The following RAPGEF4 variants were observed in gnomAD, a reference collection of about 807,000 sequenced individuals.
The protein encoded by RAPGEF4 is Rap guanine nucleotide exchange factor 4.
In RAPGEF4, 66 loss-of-function variants were observed where a neutral mutation model predicts 147.9. The observed-to-expected ratio is 0.45, with a 90% CI of 0.37 to 0.55. RAPGEF4 has a LOEUF of 0.55. Ranked by LOEUF, RAPGEF4 falls within the 20% of genes least tolerant of loss-of-function variation. The pLI, the probability that RAPGEF4 is intolerant of heterozygous loss-of-function variation, is 0.00. For missense variants in RAPGEF4, 1,071 were observed against 1,257.3 expected (o/e 0.85, Z 2.24); for synonymous variants, 419 against 442.7 (o/e 0.95, Z 0.67).
At chr2:172,807,259 G>A (rs1407641607) in intron 3 of RAPGEF4, among the ~76,000 whole-genome samples, 1 of 152,198 alleles carries the variant, frequency 6.6e-6, no homozygotes, top group Non-Finnish European at 1.5e-5. Context: ...CACAATGCTG[G>A]ACAGACTGGC....
rs758672370 is a variant in RAPGEF4 at position 172,838,200 on chromosome 2, G to A, written c.444+23775G>A. Among the ~76,000 whole-genome samples, 29 of 151,686 alleles carry A rather than the reference G, an allele frequency of 1.9e-4. 1 individual carries two copies. The highest frequency in any genetic ancestry group is 4.4e-5 in the Non-Finnish European group (3 of 68,012). ...TGACCTGTTGGGGGGTCTTCCCTTT[G>A]ATATCCTAAAAAATGAAACATGTTT... On this transcript the variant is annotated intron_variant, in intron 4 of 30. Transcript: ENST00000397081.
chr2:172,975,286 C>G (rs1434622942), intron 10 of RAPGEF4, among the ~76,000 whole-genome samples: 1 of 152,168 alleles, frequency 6.6e-6, no homozygotes, highest in Non-Finnish European at 1.5e-5. Flanking sequence ...AACCCTCTAG[C>G]CAGAACCACA....
intron 4 of RAPGEF4, among the ~76,000 whole-genome samples, chr2:172,871,305 C>A (rs1695214135): frequency 6.6e-6 from 1 of 152,132 alleles, no homozygotes; most frequent in Non-Finnish European, 1.5e-5. Context: ...GGTGTGGAGG[C>A]CCTTGGCAGA....
At chr2:172,800,382 C>T (rs1013011132) in intron 3 of RAPGEF4, among the ~76,000 whole-genome samples, 5 of 152,146 alleles carry the variant, frequency 3.3e-5, no homozygotes, top group African/African-American at 1.2e-4. Flanking sequence ...GGCAGAGCCC[C>T]CTTCCATGCC....
chr2:172,934,546 T>C (rs78666614), intron 6 of RAPGEF4, among the ~76,000 whole-genome samples: 3,368 of 152,200 alleles, frequency 0.022, 137 homozygotes, highest in African/African-American at 0.077. Flanking sequence ...TCCAATGCAA[T>C]GAATTATTGA....
At chr2:172,748,098 T>C (rs926996584) in intron 1 of RAPGEF4, among the ~76,000 whole-genome samples, 2 of 152,226 alleles carry the variant, frequency 1.3e-5, no homozygotes, top group African/African-American at 4.8e-5. Context: ...TAGGTTGTTT[T>C]CTTTCTTGGT....
intron 23 of RAPGEF4, among the ~76,000 whole-genome samples, chr2:173,025,437 TTTTTA>T (rs1308477434): frequency 2.0e-5 from 3 of 152,208 alleles, no homozygotes; most frequent in African/African-American, 4.8e-5. Context: ...TTGTTTTTAT[TTTTTA>T]TTTTATTTTA....
chr2:172,986,044 T>G (rs1054966633), intron 12 of RAPGEF4, among the ~76,000 whole-genome samples: 2 of 152,214 alleles, frequency 1.3e-5, no homozygotes, highest in African/African-American at 4.8e-5. Flanking sequence ...TGTGATCATA[T>G]TTGGAAGCAA....
chr2:173,005,090 G>A (rs1286164244), intron 17 of RAPGEF4, among the ~76,000 whole-genome samples: 1 of 147,532 alleles, frequency 6.8e-6, no homozygotes, highest in Non-Finnish European at 1.5e-5. Flanking sequence ...TCTACCTATT[G>A]GATATTTAGA....
intron 17 of RAPGEF4, among the ~76,000 whole-genome samples, chr2:173,006,864 C>T (rs1416069489): frequency 6.6e-6 from 1 of 152,166 alleles, no homozygotes. Flanking sequence ...TCATAGTCCC[C>T]ATCTGATTCT....
intron 16 of RAPGEF4, among the ~76,000 whole-genome samples, chr2:173,000,754 T>C (rs79105056): frequency 1.3e-5 from 2 of 148,498 alleles, no homozygotes; most frequent in African/African-American, 5.0e-5. Context: ...TTCTTTCTTT[T>C]TTTTTTTTTT....
At chr2:173,018,475 C>A (rs1695711351) in intron 21 of RAPGEF4, among the ~76,000 whole-genome samples, 181 bp from the exon 22 acceptor site, 1 of 152,056 alleles carries the variant, frequency 6.6e-6, no homozygotes. Context: ...TATTCTTAGA[C>A]CAATGCTAAG....
At chr2:172,975,415 C>T (rs897432470) in intron 10 of RAPGEF4, among the ~76,000 whole-genome samples, 3 of 152,160 alleles carry the variant, frequency 2.0e-5, no homozygotes, top group Admixed American at 6.5e-5. Flanking sequence ...CATGATAATC[C>T]ACTATGTCCT....
Position 172,985,593 on chromosome 2 carries a change from G to A in RAPGEF4, c.1150+100G>A, listed in dbSNP as rs191496494. The A allele has an allele frequency of 1.3e-5, 20 of 1,541,904 alleles. No individual in the cohort carries two copies. In the Admixed American group the frequency reaches 4.5e-4, roughly 35 times the overall value. On this transcript the variant is annotated intron_variant, in intron 12 of 30. Coordinates refer to ENST00000397081, the MANE Select transcript of RAPGEF4 (RefSeq NM_007023.4). ...GCTAACGCCTCACTTCTTGGCCCCG[G>A]GTCTGGCTTGGTGACTTGGCAGGGT...
At chr2:172,859,303 C>T (rs1306483589) in intron 4 of RAPGEF4, among the ~76,000 whole-genome samples, 1 of 152,142 alleles carries the variant, frequency 6.6e-6, no homozygotes, top group Non-Finnish European at 1.5e-5. Flanking sequence ...GTTTAAAAAG[C>T]ATTGAGGTGC....
At chr2:172,932,151 A>C (rs889521029) in intron 6 of RAPGEF4, among the ~76,000 whole-genome samples, 1 of 152,224 alleles carries the variant, frequency 6.6e-6, no homozygotes, top group African/African-American at 2.4e-5. Flanking sequence ...TACATGGCAC[A>C]AGATATTTGG....
chr2:172,842,945 T>G (rs950530662), intron 4 of RAPGEF4, among the ~76,000 whole-genome samples: 9 of 152,072 alleles, frequency 5.9e-5, no homozygotes, highest in Non-Finnish European at 1.2e-4. Flanking sequence ...CAGTTACAGG[T>G]GTCTGGATAA....
chr2:172,826,725 G>A (rs576565770), intron 4 of RAPGEF4, among the ~76,000 whole-genome samples: 33 of 152,150 alleles, frequency 2.2e-4, no homozygotes, highest in Non-Finnish European at 4.3e-4. Flanking sequence ...CCAGCACTTT[G>A]GGAGGGTGAT....
At chr2:172,996,053 A>G (rs1386290854) in intron 15 of RAPGEF4, among the ~76,000 whole-genome samples, 2 of 152,190 alleles carry the variant, frequency 1.3e-5, no homozygotes, top group Non-Finnish European at 2.9e-5. Context: ...AAGTTTTGCT[A>G]TGAGTAACCC....
Sources: gnomAD v4.1 joint callset for allele counts (sites outside exome capture counted in the v4.1 genomes callset) on GRCh38, gnomAD v4.1.1 for gene constraint, MANE v1.5 for transcripts, NCBI Gene and HGNC (gene_info 2026-07-23, HGNC 2026-07-21) for gene names.